TMEM165: variants seen among roughly 807,000 people sequenced by gnomAD.
TMEM165 encodes putative divalent cation/proton antiporter TMEM165.
In TMEM165, 19 loss-of-function variants were observed where a neutral mutation model predicts 30.0. That is an observed-to-expected ratio of 0.63 (90% CI 0.44 to 0.93). The LOEUF is 0.93. TMEM165 is among the 40% of genes least tolerant of loss of function. TMEM165 has a pLI of 0.00. For synonymous variants in TMEM165, 168 were observed against 162.9 expected (o/e 1.03, Z -0.24); for missense variants, 340 against 417.0 (o/e 0.82, Z 1.61).
chr4:55,420,098 GAA>G (rs370641089), intron 4 of TMEM165, among the ~76,000 whole-genome samples: 4,342 of 43,832 alleles, frequency 0.099, 702 homozygotes, highest in African/African-American at 0.23. Flanking sequence ...ACTATCTTAA[GAA>G]AAAAAAATAT....
chr4:55,429,182 G>A (rs1473661334), downstream of TMEM165: 1 of 152,048 alleles, frequency 6.6e-6, no homozygotes, highest in Non-Finnish European at 1.5e-5. Flanking sequence ...TTTTAAAAGC[G>A]ATGTCACAGT....
At chr4:55,399,617 T>C (rs956412361) in intron 1 of TMEM165, among the ~76,000 whole-genome samples, 15 of 152,090 alleles carry the variant, frequency 9.9e-5, no homozygotes, top group Admixed American at 9.8e-4. Context: ...GCTACTAATA[T>C]CCTTTTTAAG....
exon 4 of TMEM165, chr4:55,452,536 A>G (rs1724559767): frequency 6.4e-6 from 1 of 155,660 alleles, no homozygotes; most frequent in African/African-American, 2.4e-5. Flanking sequence ...AGGAGATAAC[A>G]AGTGTGTTGT....
In TMEM165 at chr4:55,425,359, T is replaced by A. The variant is rs200798470; in HGVS notation, c.899-17T>A. 415 of 1,610,340 alleles carry A rather than the reference T, an allele frequency of 2.6e-4. No individual in the cohort carries two copies. The highest frequency in any genetic ancestry group is 3.4e-4 in the Non-Finnish European group (400 of 1,177,434). ...TAGGAATTTTACTGTATTTGACTTT[T>A]TTTCTCTCTCTTCCAGTGACAATCA... On this transcript the variant is annotated splice_polypyrimidine_tract_variant and intron_variant, in intron 5 of 5. Coordinates refer to ENST00000381334, the MANE Select transcript of TMEM165 (RefSeq NM_018475.5).
At chr4:55,435,337 C>T in intron 3 of TMEM165, 1 of 1,549,434 alleles carries the variant, frequency 6.5e-7, no homozygotes, top group Non-Finnish European at 8.9e-7. Flanking sequence ...AACTTTCCCT[C>T]CTTTCCTCAG....
downstream of TMEM165, chr4:55,430,109 C>T (rs2109588631): frequency 6.6e-6 from 1 of 152,216 alleles, no homozygotes; most frequent in Admixed American, 6.5e-5. Context: ...TTCAAGAACC[C>T]CAGAGAACTG....
chr4:55,436,228 C>T (rs1228121310), intron 3 of TMEM165, among the ~76,000 whole-genome samples: 2 of 152,190 alleles, frequency 1.3e-5, no homozygotes, highest in East Asian at 3.9e-4. Flanking sequence ...AATATGAAGG[C>T]AAAGTTGCAG....
chr4:55,410,422 CTTT>C (rs1407604241), intron 1 of TMEM165, among the ~76,000 whole-genome samples: 1 of 151,500 alleles, frequency 6.6e-6, no homozygotes, highest in Non-Finnish European at 1.5e-5. Context: ...ACTTTACCTT[CTTT>C]TTTTTTGAGA....
chr4:55,435,168 T>A (rs1288728039), intron 3 of TMEM165: 6 of 519,972 alleles, frequency 1.2e-5, no homozygotes, highest in Non-Finnish European at 2.1e-5. Flanking sequence ...CATCAAAAAA[T>A]ATCCAGGCAC....
At chr4:55,401,827 T>A (rs1721005349) in intron 1 of TMEM165, among the ~76,000 whole-genome samples, 1 of 150,040 alleles carries the variant, frequency 6.7e-6, no homozygotes, top group East Asian at 1.9e-4. Flanking sequence ...AAAAATAAAA[T>A]CAATGAAGGC....
intron 3 of TMEM165, chr4:55,434,545 A>G (rs867159734): frequency 6.6e-6 from 1 of 152,434 alleles, no homozygotes; most frequent in Admixed American, 6.6e-5. Context: ...GAAATGAGGG[A>G]TATTTCTGAA....
intron 4 of TMEM165, among the ~76,000 whole-genome samples, chr4:55,421,858 C>T (rs1578243675): frequency 6.6e-6 from 1 of 152,128 alleles, no homozygotes; most frequent in Non-Finnish European, 1.5e-5. Flanking sequence ...TTGCCTTTCT[C>T]CCAGCCGTTT....
At chr4:55,408,805 G>GT (rs1423634074) in intron 1 of TMEM165, among the ~76,000 whole-genome samples, 1 of 152,018 alleles carries the variant, frequency 6.6e-6, no homozygotes, top group Non-Finnish European at 1.5e-5. Flanking sequence ...ATCATAAATG[G>GT]TGTATATTTA....
chr4:55,437,525 T>C (rs1045435115), intron 3 of TMEM165, among the ~76,000 whole-genome samples: 3 of 152,214 alleles, frequency 2.0e-5, no homozygotes, highest in African/African-American at 7.2e-5. Context: ...ATGATATCTG[T>C]GTCTATATTT....
At chr4:55,442,532 G>A in intron 3 of TMEM165, 3 of 1,610,586 alleles carry the variant, frequency 1.9e-6, no homozygotes, top group Non-Finnish European at 2.5e-6. Context: ...GCTGCAGGCT[G>A]AGAAATCACC....
At chr4:55,439,874 T>C (rs996485856) in intron 3 of TMEM165, among the ~76,000 whole-genome samples, 1 of 152,050 alleles carries the variant, frequency 6.6e-6, no homozygotes, top group Non-Finnish European at 1.5e-5. Context: ...ATAATGGGTA[T>C]GGAGTTTCTG....
In TMEM165 at chr4:55,413,807, C is replaced by A. The variant is rs761745465; in HGVS notation, c.433+1968C>A. ...AAAATTGTAAATGTGTATATATACA[C>A]GTTGTTTACATACCTGTCTATAGTG... On this transcript the variant is annotated intron_variant, in intron 2 of 5. Transcript: ENST00000381334. Among the ~76,000 whole-genome samples, 3 of 152,248 alleles carry A rather than the reference C, an allele frequency of 2.0e-5. No homozygotes were observed. In the Middle Eastern group the frequency reaches 0.01, roughly 518 times the overall value.
chr4:55,423,618 T>C (rs6840236), intron 4 of TMEM165: 64,966 of 151,916 alleles, frequency 0.43, 15,238 homozygotes, highest in East Asian at 0.88. Flanking sequence ...AGACAAGGTC[T>C]CACTGTGTTG....
At chr4:55,428,281 C>T (rs895492601), downstream of TMEM165, 2 of 152,124 alleles carry the variant, frequency 1.3e-5, no homozygotes, top group African/African-American at 4.8e-5. Context: ...TGACTTTCTC[C>T]TCAAAGGATA....
Sources: gnomAD v4.1 joint callset for allele counts (sites outside exome capture counted in the v4.1 genomes callset) on GRCh38, gnomAD v4.1.1 for gene constraint, MANE v1.5 for transcripts, NCBI Gene and HGNC (gene_info 2026-07-23, HGNC 2026-07-21) for gene names.